Variants in VPS13B observed in about 807,000 individuals in gnomAD.
VPS13B encodes the protein intermembrane lipid transfer protein VPS13B.
VPS13B carries 285 observed loss-of-function variants against 426.4 expected under a neutral mutation model. The ratio of observed to expected loss-of-function variants is 0.67; its 90% CI spans 0.61 to 0.74. The LOEUF (loss-of-function observed/expected upper bound fraction) is 0.74, where lower values mean the gene tolerates loss of function less well. Ranked by LOEUF, VPS13B falls within the 30% of genes least tolerant of loss-of-function variation. VPS13B has a pLI of 0.00. For synonymous variants in VPS13B, 1,676 were observed against 1,676.4 expected (o/e 1.00, Z 0.01); for missense variants, 4,537 against 4,782.6 (o/e 0.95, Z 1.51).
intron 34 of VPS13B, among the ~76,000 whole-genome samples, chr8:99,660,168 T>A (rs563552579): frequency 2.6e-5 from 4 of 152,340 alleles, no homozygotes; most frequent in African/African-American, 9.6e-5. Context: ...AGATCTAACG[T>A]CATGATCAAT....
intron 33 of VPS13B, among the ~76,000 whole-genome samples, chr8:99,621,364 G>C (rs1828340215): frequency 6.6e-6 from 1 of 152,142 alleles, no homozygotes; most frequent in South Asian, 2.1e-4. Context: ...CAATAGTTAG[G>C]ACAAGATCTT....
intron 6 of VPS13B, among the ~76,000 whole-genome samples, chr8:99,113,074 C>T (rs1479796026): frequency 6.7e-6 from 1 of 150,218 alleles, no homozygotes; most frequent in Non-Finnish European, 1.5e-5. Flanking sequence ...GTTTCCCTCC[C>T]CTCTCCTCCG....
rs142345465 is a variant in VPS13B at position 99,379,743 on chromosome 8, A to C, written c.2825-4465A>C. Reference sequence around the variant, plus strand: ...ATCCAAAGTCTTCTTTCTTCGTGTAATTCACTTTTCTTTTAGTGAATGCTT... The same window carrying C: ...ATCCAAAGTCTTCTTTCTTCGTGTACTTCACTTTTCTTTTAGTGAATGCTT... On this transcript the variant is annotated intron_variant, in intron 19 of 61. Transcript: ENST00000357162. Among the ~76,000 whole-genome samples, 61 of 152,216 alleles carry C rather than the reference A, an allele frequency of 4.0e-4. 1 individual carries two copies. Among genetic ancestry groups the C allele is most frequent in the Middle Eastern group, 3.4e-3 (1 of 294 alleles).
intron 17 of VPS13B, among the ~76,000 whole-genome samples, chr8:99,195,559 C>T (rs995230395): frequency 6.6e-5 from 10 of 152,056 alleles, no homozygotes; most frequent in South Asian, 2.1e-4. Flanking sequence ...TTTCTTTTGC[C>T]GTGCAGAAGT....
At chr8:99,570,857 C>G (rs1376815738) in intron 31 of VPS13B, among the ~76,000 whole-genome samples, 1 of 152,062 alleles carries the variant, frequency 6.6e-6, no homozygotes, top group Non-Finnish European at 1.5e-5. Flanking sequence ...TATCAAAATT[C>G]TGGTGCTACT....
At chr8:99,549,924 C>A (rs1430572333) in intron 30 of VPS13B, among the ~76,000 whole-genome samples, 1 of 152,092 alleles carries the variant, frequency 6.6e-6, no homozygotes, top group East Asian at 1.9e-4. Context: ...CTTCCTCTTT[C>A]CTGGGCCTCC....
At chr8:99,767,493 CAAAAAAAAAAAAA>C (rs869220303) in intron 40 of VPS13B, among the ~76,000 whole-genome samples, 3 of 33,334 alleles carry the variant, frequency 9.0e-5, no homozygotes, top group African/African-American at 2.2e-4. Flanking sequence ...GCAACTCTCT[CAAAAAAAAAAAAA>C]AAAAAAAAAA....
At chr8:99,561,072 A>G (rs1233921745) in intron 31 of VPS13B, among the ~76,000 whole-genome samples, 4 of 152,194 alleles carry the variant, frequency 2.6e-5, no homozygotes. Flanking sequence ...TAAGGTGAAC[A>G]TTTAGTGGCA....
intron 21 of VPS13B, among the ~76,000 whole-genome samples, chr8:99,428,200 G>C (rs978764882): frequency 6.6e-6 from 1 of 152,126 alleles, no homozygotes; most frequent in African/African-American, 2.4e-5. Flanking sequence ...GAAATCCTAG[G>C]CAGTACCATT....
intron 33 of VPS13B, among the ~76,000 whole-genome samples, chr8:99,625,551 A>G (rs1381964198): frequency 2.0e-5 from 3 of 151,762 alleles, no homozygotes; most frequent in African/African-American, 7.3e-5. Flanking sequence ...TGTTTCCTAT[A>G]TGTTAATAAT....
intron 44 of VPS13B, among the ~76,000 whole-genome samples, chr8:99,816,433 C>T (rs1814043334): frequency 6.6e-6 from 1 of 152,148 alleles, no homozygotes; most frequent in South Asian, 2.1e-4. Flanking sequence ...CTACTATGAA[C>T]TATACTCTCT....
chr8:99,800,093 A>C (rs1481760428), intron 43 of VPS13B, among the ~76,000 whole-genome samples: 2 of 152,206 alleles, frequency 1.3e-5, no homozygotes, highest in East Asian at 3.8e-4. Flanking sequence ...ATAGCATCAG[A>C]ATCTCCTGGT....
At chr8:99,439,276 T>C (rs895163265) in intron 22 of VPS13B, among the ~76,000 whole-genome samples, 1 of 152,152 alleles carries the variant, frequency 6.6e-6, no homozygotes, top group African/African-American at 2.4e-5. Flanking sequence ...CACTGCACAA[T>C]GTACAGAAAC....
At position 99,214,090 on chromosome 8, in the gene VPS13B, C is replaced by T. The variant is rs149509048; in HGVS notation, c.2515+21033C>T. 5.9e-5 allele frequency among the ~76,000 whole-genome samples: 9 copies of T among 152,238 alleles called. No homozygotes were observed. The East Asian group carries it at 1.7e-3, about 29-fold the overall frequency. ...ACCTACTGTATTGTTTCTTATTGGA[C>T]AGGTATTAGACCTGACCACTTGTCT... On this transcript the variant is annotated intron_variant, in intron 17 of 61. Coordinates refer to ENST00000357162, the MANE Select transcript of VPS13B (RefSeq NM_152564.5).
chr8:99,790,358 T>C (rs1422314242), intron 43 of VPS13B, among the ~76,000 whole-genome samples: 1 of 152,230 alleles, frequency 6.6e-6, no homozygotes, highest in African/African-American at 2.4e-5. Context: ...TATTTCTCTG[T>C]AGCTGTTTAT....
At chr8:99,720,247 A>G in intron 37 of VPS13B, 98 bp from the exon 38 acceptor site, 1 of 971,488 alleles carries the variant, frequency 1.0e-6, no homozygotes. Context: ...AATTGAACAT[A>G]ATTACAGTCC....
intron 19 of VPS13B, among the ~76,000 whole-genome samples, chr8:99,326,458 T>TTTTTTTTTC (rs1810277841): frequency 9.9e-6 from 1 of 101,330 alleles, no homozygotes; most frequent in Non-Finnish European, 2.0e-5. Context: ...GTAGCTTTTT[T>TTTTTTTTTC]TTTTTTTTTT....
intron 3 of VPS13B, among the ~76,000 whole-genome samples, chr8:99,043,104 G>A (rs1392404238): frequency 2.0e-5 from 3 of 151,986 alleles, no homozygotes; most frequent in Non-Finnish European, 4.4e-5. Flanking sequence ...ACTTTTCTGG[G>A]ATCTAGAGAA....
chr8:99,407,781 ATTTTCAAGTGT>A (rs1304404203), intron 21 of VPS13B, among the ~76,000 whole-genome samples: 1 of 151,862 alleles, frequency 6.6e-6, no homozygotes, highest in African/African-American at 2.4e-5. Context: ...AACTTATCTC[ATTTTCAAGTGT>A]TTTCCAAGCC....
Sources: allele counts gnomAD v4.1 joint callset (sites outside exome capture counted in the v4.1 genomes callset), GRCh38; gene constraint gnomAD v4.1.1; transcripts MANE v1.5; gene names NCBI Gene and HGNC (gene_info 2026-07-23, HGNC 2026-07-21).